CNTN3: variants seen among roughly 807,000 people sequenced by gnomAD.
CNTN3 encodes contactin 3, also known as contactin-3.
CNTN3 carries 60 observed loss-of-function variants against 119.1 expected under a neutral mutation model. That is an observed-to-expected ratio of 0.50 (90% CI 0.41 to 0.62). CNTN3 has a LOEUF of 0.62. Among genes scored for constraint, CNTN3 ranks in the 20% least tolerant of loss-of-function variants. The pLI, the probability that CNTN3 is intolerant of heterozygous loss-of-function variation, is 0.00. For missense variants in CNTN3, 1,101 were observed against 1,242.4 expected, an observed-to-expected ratio of 0.89 and a Z score of 1.71; for synonymous variants, 450 against 438.7, an observed-to-expected ratio of 1.03 and a Z score of -0.32.
At position 74,302,732 on chromosome 3, in the gene CNTN3, C is replaced by A; in HGVS notation, c.1744G>T (p.Gly582Trp). The change falls in exon 14 of 23, where the codon GGG becomes TGG. Residue 582 changes from glycine to tryptophan, a missense_variant. By Grantham distance (184) the Gly-to-Trp change is radical. Coordinates refer to ENST00000263665, the MANE Select transcript of CNTN3 (RefSeq NM_020872.3). ...SGKYVCMVQT[G>W]VDSVSSAADL... ...GCAGCAGATGAAACACTGTCCACCCCCGTTTGCACCATACAAACATATTTC... is the reference window on the plus strand; with the variant it reads ...GCAGCAGATGAAACACTGTCCACCCACGTTTGCACCATACAAACATATTTC... The A allele has an allele frequency of 6.2e-7, 1 of 1,613,312 alleles. No homozygotes were observed. Among genetic ancestry groups the A allele is most frequent in the South Asian group, 1.1e-5 (1 of 90,992 alleles).
Position 74,343,807 on chromosome 3 carries a change from G to T in CNTN3, c.1365-7149C>A, listed in dbSNP as rs540430577. ...GGGCCCACCATCAGATTAGGTCTGG[G>T]ATGGGGCATAAGGATTTGCATTTTT... is the stretch of plus-strand genomic sequence containing the variant. On this transcript the variant is annotated intron_variant, in intron 11 of 22. Coordinates refer to ENST00000263665, the MANE Select transcript of CNTN3 (RefSeq NM_020872.3). 4.6e-5 allele frequency among the ~76,000 whole-genome samples: 7 copies of T among 152,314 alleles called. No individual in the cohort carries two copies. The South Asian group carries it at 1.5e-3, about 32-fold the overall frequency.
intron 1 of CNTN3, among the ~76,000 whole-genome samples, chr3:74,560,986 T>G (rs1296804315): frequency 7.3e-5 from 9 of 123,700 alleles, no homozygotes; most frequent in Non-Finnish European, 1.3e-4. Context: ...TGAGAACACT[T>G]GGACACAGGG....
At position 74,614,407 on chromosome 3, in the gene CNTN3, G is replaced by C. The variant is rs1217169272; in HGVS notation, c.-97C>G. ...CGGACTTACCTGGTCTCTGCAGCTC[G>C]CCAGACGCCCGCCCCGACGGCCCAC... is the stretch of plus-strand genomic sequence containing the variant. On this transcript the variant is annotated 5_prime_UTR_variant, in exon 1 of 23. Coordinates refer to ENST00000263665, the MANE Select transcript of CNTN3 (RefSeq NM_020872.3). 6.7e-6 allele frequency among the ~76,000 whole-genome samples: 1 copy of C among 150,362 alleles called. No individual in the cohort carries two copies.
chr3:74,369,289 A>C lies in CNTN3; in HGVS notation c.846T>G (p.Leu282=). The change falls in exon 8 of 23, where the codon CTT becomes CTG. Residue 282 remains leucine, a synonymous_variant. Coordinates refer to ENST00000263665, the MANE Select transcript of CNTN3 (RefSeq NM_020872.3). ...KIKLRKFSGV[L]EIPNFQQEDA... ...CTTCCTGTTGGAAGTTGGGGATTTC[A>C]AGCACACCACTGAACTTCCTTAATT... 6.2e-7 allele frequency: 1 copy of C among 1,611,466 alleles called. No homozygotes were observed. Among genetic ancestry groups the C allele is most frequent in the Non-Finnish European group, 8.5e-7 (1 of 1,178,720 alleles).
intron 13 of CNTN3, among the ~76,000 whole-genome samples, chr3:74,316,313 T>C (rs988739144): frequency 1.3e-5 from 2 of 152,122 alleles, no homozygotes; most frequent in East Asian, 1.9e-4. Flanking sequence ...TAAGAATGGC[T>C]TTTGTTAAAA....
intron 4 of CNTN3, among the ~76,000 whole-genome samples, chr3:74,449,641 G>A (rs1039137658): frequency 6.6e-6 from 1 of 152,032 alleles, no homozygotes; most frequent in Non-Finnish European, 1.5e-5. Flanking sequence ...GCAGAAAGCG[G>A]TAATTTATAT....
intron 1 of CNTN3, among the ~76,000 whole-genome samples, chr3:74,560,491 C>T (rs1575830052): frequency 6.6e-6 from 1 of 152,060 alleles, no homozygotes; most frequent in African/African-American, 2.4e-5. Context: ...CATATGAATA[C>T]ATGCACATAT....
At chr3:74,301,887 T>G in intron 14 of CNTN3, 82 bp from the exon 15 acceptor site, 1 of 1,459,186 alleles carries the variant, frequency 6.9e-7, no homozygotes, top group South Asian at 1.2e-5. Context: ...GAATGTCACA[T>G]GACCACTTCA....
intron 5 of CNTN3, among the ~76,000 whole-genome samples, chr3:74,387,250 G>A (rs1704773793): frequency 6.6e-6 from 1 of 152,030 alleles, no homozygotes; most frequent in African/African-American, 2.4e-5. Context: ...AAAAACAGAT[G>A]GGGAACATGG....
chr3:74,407,828 C>T (rs1701361053), intron 5 of CNTN3, among the ~76,000 whole-genome samples: 1 of 152,104 alleles, frequency 6.6e-6, no homozygotes, highest in Non-Finnish European at 1.5e-5. Flanking sequence ...GGTAGCACTC[C>T]TCAGGGCATC....
chr3:74,500,689 C>T (rs1703152103), intron 2 of CNTN3, among the ~76,000 whole-genome samples: 1 of 151,928 alleles, frequency 6.6e-6, no homozygotes, highest in African/African-American at 2.4e-5. Flanking sequence ...AATGAACTGG[C>T]ATTTTGGCTA....
At chr3:74,543,867 T>C (rs1703876200) in intron 1 of CNTN3, among the ~76,000 whole-genome samples, 1 of 152,176 alleles carries the variant, frequency 6.6e-6, no homozygotes, top group Non-Finnish European at 1.5e-5. Context: ...AGGGCAGTGA[T>C]TTTGTGACCA....
rs1701612148 is a variant in CNTN3 at position 74,263,397 on chromosome 3, A to T, written c.*1004T>A. On this transcript the variant is annotated 3_prime_UTR_variant, in exon 23 of 23. Transcript: ENST00000263665. ...ATGGAATTGGAAATTGAAATGAGGG[A>T]TTATGTGGATTTTGTTTAATATTTG... 1 of 152,104 alleles carries T rather than the reference A, an allele frequency of 6.6e-6. No homozygotes were observed. Among genetic ancestry groups the T allele is most frequent in the Non-Finnish European group, 1.5e-5 (1 of 67,996 alleles). 9.4% of individuals were successfully genotyped at this position (152,104 alleles called of 1,614,324 possible).
intron 5 of CNTN3, among the ~76,000 whole-genome samples, chr3:74,401,552 G>T (rs1292359550): frequency 6.6e-6 from 1 of 151,928 alleles, no homozygotes; most frequent in East Asian, 1.9e-4. Context: ...GAAACAAGCT[G>T]ATTTAAGGGA....
At chr3:74,594,273 C>CTTTTTTTTTTTTTTTTTTCT (rs59436860) in intron 1 of CNTN3, among the ~76,000 whole-genome samples, 1 of 112,066 alleles carries the variant, frequency 8.9e-6, no homozygotes, top group Non-Finnish European at 2.0e-5. Flanking sequence ...TTCTTTTTTT[C>CTTTTTTTTTTTTTTTTTTCT]TTTTTTTTTT....
At chr3:74,600,143 G>C (rs961709430) in intron 1 of CNTN3, among the ~76,000 whole-genome samples, 1 of 152,010 alleles carries the variant, frequency 6.6e-6, no homozygotes, top group Non-Finnish European at 1.5e-5. Context: ...GACAATCAAG[G>C]GCTCTCTGAC....
chr3:74,326,821 T>G (rs1294631708), intron 13 of CNTN3, among the ~76,000 whole-genome samples: 1 of 152,158 alleles, frequency 6.6e-6, no homozygotes, highest in Non-Finnish European at 1.5e-5. Context: ...TTTATTGCAT[T>G]GACCCAAATA....
intron 1 of CNTN3, among the ~76,000 whole-genome samples, chr3:74,567,010 C>A (rs1267336453): frequency 1.3e-5 from 2 of 152,130 alleles, no homozygotes; most frequent in Non-Finnish European, 2.9e-5. Context: ...TTATAGCAGT[C>A]CATAGAAGTC....
chr3:74,274,657 C>T (rs1437198080), intron 20 of CNTN3, among the ~76,000 whole-genome samples: 2 of 152,090 alleles, frequency 1.3e-5, no homozygotes, highest in Non-Finnish European at 2.9e-5. Flanking sequence ...TGAACAACAG[C>T]CTTCAGCCCT....
Sources: gnomAD v4.1 joint callset for allele counts (sites outside exome capture counted in the v4.1 genomes callset) on GRCh38, gnomAD v4.1.1 for gene constraint, MANE v1.5 for transcripts, NCBI Gene and HGNC (gene_info 2026-07-23, HGNC 2026-07-21) for gene names.